The following DOCK4 variants were observed in gnomAD, a reference collection of about 807,000 sequenced individuals.
DOCK4 encodes dedicator of cytokinesis protein 4.
A neutral mutation model predicts 268.1 loss-of-function variants in DOCK4; 97 were observed. The observed-to-expected ratio is 0.36, with a 90% confidence interval of 0.31 to 0.43. The LOEUF (loss-of-function observed/expected upper bound fraction) is 0.43, where lower values mean the gene tolerates loss of function less well. Among genes scored for constraint, DOCK4 ranks in the 20% least tolerant of loss-of-function variants. The pLI is 1.00. For missense variants in DOCK4, 2,145 were observed against 2,455.7 expected (o/e 0.87, Z 2.67); for synonymous variants, 954 against 887.2 (o/e 1.08, Z -1.34).
chr7:111,815,801 A>G (rs1350050042), intron 27 of DOCK4, among the ~76,000 whole-genome samples: 1 of 151,696 alleles, frequency 6.6e-6, no homozygotes, highest in Middle Eastern at 3.2e-3. Flanking sequence ...CCTCCCAAGT[A>G]GCTGGGATTA....
intron 1 of DOCK4, among the ~76,000 whole-genome samples, chr7:112,146,947 G>C (rs1360669736): frequency 5.9e-5 from 9 of 152,102 alleles, no homozygotes; most frequent in Admixed American, 5.9e-4. Flanking sequence ...AAATATTTAA[G>C]AGAAGACACT....
At position 112,206,049 on chromosome 7, in the gene DOCK4, T is replaced by G. The variant is rs1001933857; in HGVS notation, c.37+53A>C. ...GGGGCGCGGGGGCAAGGACGAGAAA[T>G]GCGCACTCGCTCGGGCCAGAGCAGA... On this transcript the variant is annotated intron_variant, in intron 1 of 52. Coordinates refer to ENST00000428084, the MANE Select transcript of DOCK4 (RefSeq NM_001363540.2). 1.0e-5 allele frequency: 16 copies of G among 1,547,802 alleles called. No individual in the cohort carries two copies. The Admixed American group carries it at 3.1e-4, about 30-fold the overall frequency.
intron 1 of DOCK4, among the ~76,000 whole-genome samples, chr7:112,145,066 T>C (rs1481587055): frequency 6.6e-6 from 1 of 152,116 alleles, no homozygotes; most frequent in Non-Finnish European, 1.5e-5. Flanking sequence ...TCTATTAATA[T>C]GTTGTAAAAA....
intron 1 of DOCK4, among the ~76,000 whole-genome samples, chr7:112,009,946 A>G (rs2135352054): frequency 6.6e-6 from 1 of 152,220 alleles, no homozygotes; most frequent in Admixed American, 6.5e-5. Context: ...CCTCCTCAGT[A>G]GCTCGGACTG....
rs112589704 is a variant in DOCK4 at position 112,194,632 on chromosome 7, T to C, written c.37+11470A>G. Among the ~76,000 whole-genome samples the C allele has an allele frequency of 4.1e-3, 632 of 152,302 alleles. 3 individuals carry two copies. Among genetic ancestry groups the C allele is most frequent in the African/African-American group, 0.014 (597 of 41,554 alleles). The stretch of plus-strand genomic sequence containing the variant: ...CTGAAAGGAAACCTCACAAAGGAAA[T>C]AATGTTTGGCTTATAGAAGAACTTA... On this transcript the variant is annotated intron_variant, in intron 1 of 52. Transcript: ENST00000428084.
intron 1 of DOCK4, among the ~76,000 whole-genome samples, chr7:112,088,242 A>G (rs190023520): frequency 6.6e-6 from 1 of 152,278 alleles, no homozygotes; most frequent in African/African-American, 2.4e-5. Context: ...TTCTTCTTCA[A>G]GTTTAAACAC....
chr7:112,020,107 C>G (rs1304691314), intron 1 of DOCK4, among the ~76,000 whole-genome samples: 1 of 152,202 alleles, frequency 6.6e-6, no homozygotes, highest in Non-Finnish European at 1.5e-5. Flanking sequence ...ACCACCTGCT[C>G]CGCACCCACC....
chr7:111,899,871 C>G (rs1326970373), intron 15 of DOCK4, among the ~76,000 whole-genome samples: 1 of 152,216 alleles, frequency 6.6e-6, no homozygotes, highest in Non-Finnish European at 1.5e-5. Context: ...TTGCAGAGAG[C>G]TGAGATTGCG....
At chr7:111,746,279 T>C in intron 44 of DOCK4, 55 bp downstream of exon 44, 2 of 1,447,764 alleles carry the variant, frequency 1.4e-6, no homozygotes, top group Admixed American at 1.8e-5. Context: ...GGGCTCTAGG[T>C]AAGCAAGCAC....
At chr7:111,934,523 G>GTTTTTGTTTTTTTTT (rs1562907282) in intron 12 of DOCK4, among the ~76,000 whole-genome samples, 5 of 83,872 alleles carry the variant, frequency 6.0e-5, no homozygotes, top group African/African-American at 2.0e-4. Flanking sequence ...TTTTGTTTTT[G>GTTTTTGTTTTTTTTT]TTTTTTTTTT....
At chr7:112,010,737 C>A (rs983322452) in intron 1 of DOCK4, among the ~76,000 whole-genome samples, 4 of 152,290 alleles carry the variant, frequency 2.6e-5, no homozygotes, top group Non-Finnish European at 5.9e-5. Context: ...CACGGTCAGC[C>A]TTTGAGACAT....
chr7:111,945,866 T>C, intron 8 of DOCK4, 68 bp from the exon 9 acceptor site: 1 of 1,208,514 alleles, frequency 8.3e-7, no homozygotes, highest in South Asian at 1.3e-5. Flanking sequence ...CCTCTGTAAC[T>C]ACTCTTCATC....
At chr7:111,895,577 T>C (rs749873816) in intron 16 of DOCK4, 35 bp downstream of exon 16, 1 of 1,581,660 alleles carries the variant, frequency 6.3e-7, no homozygotes, top group Non-Finnish European at 8.7e-7. Context: ...AGCACTGTTT[T>C]TTACTGCCCA....
At position 111,739,425 on chromosome 7, in the gene DOCK4, A is replaced by C. The variant is rs373284586; in HGVS notation, c.5093T>G (p.Val1698Gly). 42 of 1,583,326 alleles carry C rather than the reference A, an allele frequency of 2.7e-5. No homozygotes were observed. The highest frequency in any genetic ancestry group is 3.5e-5 in the Non-Finnish European group (41 of 1,164,750). Residue 1698 changes from valine (V) to glycine (G), a missense_variant, in exon 48 of 53, where the codon GTG becomes GGG. Coordinates refer to ENST00000428084, the MANE Select transcript of DOCK4 (RefSeq NM_001363540.2). ...LSSTHSASPNVTSSAPSSARA... is the reference protein window; with the variant it reads ...LSSTHSASPNGTSSAPSSARA... ...GGCACTCGATGGAGCAGAACTTGTC[A>C]CATTAGGTGAAGCCGAGTGAGTAGA...
intron 1 of DOCK4, among the ~76,000 whole-genome samples, chr7:112,058,305 C>G (rs1169837284): frequency 6.6e-6 from 1 of 152,050 alleles, no homozygotes; most frequent in African/African-American, 2.4e-5. Context: ...TTATAAGGAA[C>G]AGCAAACATT....
chr7:112,140,356 G>A (rs908964346), intron 1 of DOCK4, among the ~76,000 whole-genome samples: 1 of 152,146 alleles, frequency 6.6e-6, no homozygotes, highest in Non-Finnish European at 1.5e-5. Flanking sequence ...CAGAGCTGAT[G>A]ATACATTCGG....
chr7:111,743,006 A>G (rs1796027771), intron 44 of DOCK4, among the ~76,000 whole-genome samples: 2 of 152,082 alleles, frequency 1.3e-5, no homozygotes, highest in African/African-American at 4.8e-5. Context: ...AAGAAAAAAA[A>G]AAGAAAAAAG....
chr7:112,199,964 G>C (rs956214561), intron 1 of DOCK4, among the ~76,000 whole-genome samples: 5 of 152,170 alleles, frequency 3.3e-5, no homozygotes, highest in South Asian at 2.1e-4. Flanking sequence ...GACAGACTTT[G>C]ACTTAGACTG....
intron 39 of DOCK4, among the ~76,000 whole-genome samples, chr7:111,764,102 G>T (rs1431829365): frequency 6.6e-6 from 1 of 152,140 alleles, no homozygotes; most frequent in Non-Finnish European, 1.5e-5. Flanking sequence ...ATGCAACAAG[G>T]AGATTTCACA....
Sources: allele counts gnomAD v4.1 joint callset (sites outside exome capture counted in the v4.1 genomes callset), GRCh38; gene constraint gnomAD v4.1.1; transcripts MANE v1.5; gene names NCBI Gene and HGNC (gene_info 2026-07-23, HGNC 2026-07-21).